Variants in CES1 observed in about 807,000 individuals in gnomAD.
CES1 encodes liver carboxylesterase 1.
Under a neutral mutation model 53.0 loss-of-function variants are expected in CES1, and 50 were observed. The ratio of observed to expected loss-of-function variants is 0.94; its 90% CI spans 0.75 to 1.19. The LOEUF (loss-of-function observed/expected upper bound fraction) is 1.19, where lower values mean the gene tolerates loss of function less well. Ranked by LOEUF, CES1 falls within the 50% of genes most tolerant of loss-of-function variation. The pLI is 0.00. For synonymous variants in CES1, 202 were observed against 210.1 expected (o/e 0.96, Z 0.33); for missense variants, 534 against 538.0 (o/e 0.99, Z 0.07).
chr16:55,813,086 C>A (rs2031775364), intron 8 of CES1, 43 bp from the exon 9 acceptor site: 1 of 1,612,510 alleles, frequency 6.2e-7, no homozygotes, highest in Non-Finnish European at 8.5e-7. Flanking sequence ...CCTCCCTAGT[C>A]ACACCCATGT....
chr16:55,814,184 C>T (rs1216023054), intron 8 of CES1, among the ~76,000 whole-genome samples: 8 of 152,334 alleles, frequency 5.3e-5, no homozygotes, highest in Admixed American at 2.0e-4. Context: ...TGATTCCCTA[C>T]TAGAGAGAAA....
intron 8 of CES1, among the ~76,000 whole-genome samples, chr16:55,813,532 C>T (rs2031797931): frequency 6.6e-6 from 1 of 152,164 alleles, no homozygotes; most frequent in Non-Finnish European, 1.5e-5. Context: ...TTGAAAGAGA[C>T]TTCCACGGCT....
At chr16:55,819,438 T>C (rs1227298153) in intron 7 of CES1, 97 bp downstream of exon 7, 3 of 892,796 alleles carry the variant, frequency 3.4e-6, no homozygotes, top group South Asian at 1.3e-5. Context: ...AGTTGAGAAA[T>C]TGTCCCAGGA....
intron 11 of CES1, among the ~76,000 whole-genome samples, chr16:55,809,120 C>G (rs2031570061): frequency 2.0e-5 from 1 of 49,136 alleles, no homozygotes; most frequent in African/African-American, 5.3e-5. Flanking sequence ...AAGCCCTGAA[C>G]TTAAAGTCAT....
At chr16:55,821,151 T>C (rs1431905557) in intron 5 of CES1, among the ~76,000 whole-genome samples, 1 of 152,088 alleles carries the variant, frequency 6.6e-6, no homozygotes, top group African/African-American at 2.4e-5. Flanking sequence ...TGGAGATTCA[T>C]ATGGCCCCAG....
At chr16:55,828,173 GCCAAT>G in intron 2 of CES1, 1 of 182,206 alleles carries the variant, frequency 5.5e-6, no homozygotes, top group South Asian at 1.2e-4. Context: ...TGATGGTGAG[GCCAAT>G]TAGAACCTTT....
chr16:55,809,123 A>G (rs1354205478), intron 11 of CES1, among the ~76,000 whole-genome samples: 1 of 135,356 alleles, frequency 7.4e-6, no homozygotes, highest in Non-Finnish European at 1.6e-5. Flanking sequence ...CCCTGAACTT[A>G]AAGTCATGGG....
At chr16:55,809,707 G>A (rs75473591) in intron 11 of CES1, among the ~76,000 whole-genome samples, 7 of 152,142 alleles carry the variant, frequency 4.6e-5, no homozygotes, top group Non-Finnish European at 8.8e-5. Flanking sequence ...TCCCACACCC[G>A]CCCTGGCTCC....
At chr16:55,824,070 T>C (rs1406976850) in intron 3 of CES1, among the ~76,000 whole-genome samples, 5 of 152,256 alleles carry the variant, frequency 3.3e-5, no homozygotes, top group African/African-American at 1.2e-4. Context: ...GCAGCCCTTG[T>C]ATCTCAGCTT....
At chr16:55,815,040 G>A (rs2142323363) in intron 8 of CES1, among the ~76,000 whole-genome samples, 1 of 152,354 alleles carries the variant, frequency 6.6e-6, no homozygotes, top group Non-Finnish European at 1.5e-5. Flanking sequence ...TGGGCTCTGG[G>A]CAGTGAATGG....
chr16:55,819,412 C>T (rs139508669), intron 7 of CES1, 123 bp downstream of exon 7: 8,940 of 777,260 alleles, frequency 0.012, 97 homozygotes, highest in Non-Finnish European at 0.013. Flanking sequence ...ATCAGATTCC[C>T]CATTCAGATA....
At chr16:55,823,255 AGAG>A (rs768788860) in intron 4 of CES1, among the ~76,000 whole-genome samples, 6 of 152,110 alleles carry the variant, frequency 3.9e-5, no homozygotes, top group Admixed American at 3.9e-4. Flanking sequence ...ACATAGGTGA[AGAG>A]GAGATGAGTC....
intron 9 of CES1, chr16:55,812,501 G>C (rs1233631469): frequency 9.7e-6 from 3 of 310,584 alleles, no homozygotes; most frequent in Non-Finnish European, 1.9e-5. Context: ...TGAAGAGCAT[G>C]AGTGATTTTC....
At chr16:55,819,423 C>T in intron 7 of CES1, 112 bp downstream of exon 7, 1 of 816,790 alleles carries the variant, frequency 1.2e-6, no homozygotes, top group Non-Finnish European at 2.2e-6. Flanking sequence ...CATTCAGATA[C>T]TGAGAGTTGA....
intron 8 of CES1, among the ~76,000 whole-genome samples, chr16:55,815,811 T>A (rs1204087978): frequency 6.6e-6 from 1 of 152,208 alleles, no homozygotes; most frequent in Admixed American, 6.5e-5. Context: ...ACAGAGACCT[T>A]TGTGAGATCT....
intron 9 of CES1, chr16:55,812,248 CT>C (rs1194757079): frequency 6.5e-6 from 1 of 153,254 alleles, no homozygotes; most frequent in Non-Finnish European, 1.5e-5. Context: ...TTGTTTCCAA[CT>C]TTTATTTTAG....
At chr16:55,809,510 C>G (rs189991071) in intron 11 of CES1, among the ~76,000 whole-genome samples, 2 of 152,214 alleles carry the variant, frequency 1.3e-5, no homozygotes, top group Non-Finnish European at 1.5e-5. Flanking sequence ...CTAGCTGGCA[C>G]GCAGGAACAG....
chr16:55,815,266 G>A (rs1368678248), intron 8 of CES1, among the ~76,000 whole-genome samples: 1 of 152,202 alleles, frequency 6.6e-6, no homozygotes, highest in Non-Finnish European at 1.5e-5. Flanking sequence ...TGTTTTGAAG[G>A]ACTAACTCCA....
intron 5 of CES1, 125 bp from the exon 6 acceptor site, chr16:55,820,604 C>CT: frequency 6.8e-7 from 1 of 1,477,706 alleles, no homozygotes; most frequent in African/African-American, 1.4e-5. Context: ...CAGTAGTGGG[C>CT]TGACCCTCTG....
Sources: gnomAD v4.1 joint callset for allele counts (sites outside exome capture counted in the v4.1 genomes callset) on GRCh38, gnomAD v4.1.1 for gene constraint, MANE v1.5 for transcripts, NCBI Gene and HGNC (gene_info 2026-07-23, HGNC 2026-07-21) for gene names.